Variants in PITPNC1 observed in about 807,000 individuals in gnomAD.
The protein encoded by PITPNC1 is phosphatidylinositol transfer protein cytoplasmic 1.
PITPNC1 carries 18 observed loss-of-function variants against 44.7 expected under a neutral mutation model. The ratio of observed to expected loss-of-function variants is 0.40; its 90% CI spans 0.28 to 0.60. The LOEUF (loss-of-function observed/expected upper bound fraction) is 0.60. Among genes scored for constraint, PITPNC1 ranks in the 20% least tolerant of loss-of-function variants. The pLI, the probability that PITPNC1 is intolerant of heterozygous loss-of-function variation, is 0.39. For synonymous variants in PITPNC1, 141 were observed against 149.6 expected (o/e 0.94, Z 0.42); for missense variants, 290 against 418.4 (o/e 0.69, Z 2.68).
chr17:67,567,701 G>A (rs940849029), intron 4 of PITPNC1, among the ~76,000 whole-genome samples: 4 of 152,102 alleles, frequency 2.6e-5, no homozygotes, highest in South Asian at 2.1e-4. Flanking sequence ...ATGGCCGGGC[G>A]CAGTGGCTCA....
chr17:67,494,176 T>TTTCC (rs2039900798), intron 1 of PITPNC1, among the ~76,000 whole-genome samples: 1 of 62,626 alleles, frequency 1.6e-5, no homozygotes, highest in South Asian at 6.7e-4. Flanking sequence ...TCTTTCTTTC[T>TTTCC]TTCTTTCTTT....
chr17:67,519,930 A>G (rs866565345), intron 1 of PITPNC1, among the ~76,000 whole-genome samples: 4 of 152,246 alleles, frequency 2.6e-5, no homozygotes, highest in Non-Finnish European at 5.9e-5. Flanking sequence ...TTGTCTAGGC[A>G]TGAAGTGCCT....
intron 8 of PITPNC1, chr17:67,687,036 G>A (rs374209002): frequency 1.7e-5 from 21 of 1,259,382 alleles, no homozygotes; most frequent in African/African-American, 2.9e-5. Flanking sequence ...ATCTAATAAC[G>A]GAAGTTGCCA....
chr17:67,614,158 A>G (rs1408414824), intron 5 of PITPNC1, among the ~76,000 whole-genome samples: 5 of 151,866 alleles, frequency 3.3e-5, no homozygotes, highest in Admixed American at 1.3e-4. Flanking sequence ...CCTTGGTGAT[A>G]CTAACATCTG....
At chr17:67,516,128 C>G (rs1217250918) in intron 1 of PITPNC1, among the ~76,000 whole-genome samples, 1 of 152,184 alleles carries the variant, frequency 6.6e-6, no homozygotes, top group Non-Finnish European at 1.5e-5. Flanking sequence ...TGGCTCTGCT[C>G]TCTCATCTCT....
Position 67,453,680 on chromosome 17 carries a change from A to G in PITPNC1, c.48+75478A>G, listed in dbSNP as rs1031154009. ...ACAAAACAAATTTCCATGAATTTTTATCGATGAAACTCCAAACATAGTAAT... is the reference window on the plus strand; with the variant it reads ...ACAAAACAAATTTCCATGAATTTTTGTCGATGAAACTCCAAACATAGTAAT... On this transcript the variant is annotated intron_variant, in intron 1 of 8. Coordinates refer to ENST00000581322, the MANE Select transcript of PITPNC1 (RefSeq NM_012417.4). Among the ~76,000 whole-genome samples, 4 of 152,220 alleles carry G rather than the reference A, an allele frequency of 2.6e-5. No homozygotes were observed. In the South Asian group the frequency reaches 6.2e-4, roughly 24 times the overall value.
chr17:67,596,548 T>C (rs1332403265), intron 5 of PITPNC1, among the ~76,000 whole-genome samples: 1 of 152,176 alleles, frequency 6.6e-6, no homozygotes, highest in Non-Finnish European at 1.5e-5. Flanking sequence ...TCTCGCTCTG[T>C]CGTCCAGGCT....
Position 67,565,468 on chromosome 17 carries a change from G to C in PITPNC1, c.294+11851G>C, listed in dbSNP as rs200194022. On this transcript the variant is annotated intron_variant, in intron 4 of 8. Transcript: ENST00000581322. ...ACTCATTTTCCATGGTTTTTGGTGT[G>C]TATATTAGTTTTCCATGTTTTTCGG... 5.5e-5 allele frequency among the ~76,000 whole-genome samples: 8 copies of C among 146,696 alleles called. No homozygotes were observed. In the East Asian group the frequency reaches 1.6e-3, roughly 30 times the overall value.
At chr17:67,463,498 G>A (rs1448769348) in intron 1 of PITPNC1, among the ~76,000 whole-genome samples, 2 of 152,152 alleles carry the variant, frequency 1.3e-5, no homozygotes, top group Non-Finnish European at 2.9e-5. Context: ...TTGGAAGTCT[G>A]AGGTAGCAAA....
intron 1 of PITPNC1, among the ~76,000 whole-genome samples, chr17:67,424,264 A>G (rs1259170081): frequency 6.6e-6 from 1 of 152,060 alleles, no homozygotes; most frequent in East Asian, 1.9e-4. Flanking sequence ...TCCAGCAAGA[A>G]GAGGAAGAAT....
intron 6 of PITPNC1, among the ~76,000 whole-genome samples, chr17:67,652,485 G>C (rs949847317): frequency 6.6e-6 from 1 of 152,208 alleles, no homozygotes; most frequent in African/African-American, 2.4e-5. Flanking sequence ...CCTGGCACCA[G>C]CTCAACCCCC....
At chr17:67,445,252 T>C (rs532973561) in intron 1 of PITPNC1, among the ~76,000 whole-genome samples, 1 of 152,120 alleles carries the variant, frequency 6.6e-6, no homozygotes, top group Admixed American at 6.6e-5. Flanking sequence ...GATTGTTTTC[T>C]TTTTTGCCAG....
chr17:67,692,542 T>G (rs1346844358), intron 8 of PITPNC1, 30 bp from the exon 9 acceptor site: 10 of 1,525,466 alleles, frequency 6.6e-6, no homozygotes, highest in Non-Finnish European at 9.1e-6. Context: ...AAATAACTGC[T>G]CGTTTTTCTT....
At chr17:67,416,829 T>G (rs1019951336) in intron 1 of PITPNC1, among the ~76,000 whole-genome samples, 1 of 152,188 alleles carries the variant, frequency 6.6e-6, no homozygotes, top group African/African-American at 2.4e-5. Flanking sequence ...TTTCTTTTTT[T>G]GAGATGGAGT....
In PITPNC1 at chr17:67,425,699, AT is replaced by A. The variant is rs34430449; in HGVS notation, c.48+47507del. On this transcript the variant is annotated intron_variant, in intron 1 of 8. Coordinates refer to ENST00000581322, the MANE Select transcript of PITPNC1 (RefSeq NM_012417.4). ...ACCACGCTTGGCTAATTAAAAAAAA[AT>A]TTTTTTTTTAAAGAGATGGGGTCTC... Among the ~76,000 whole-genome samples, 740 of 149,798 alleles carry A rather than the reference AT, an allele frequency of 4.9e-3. 4 individuals are homozygous for A. The highest frequency in any genetic ancestry group is 8.1e-3 in the Non-Finnish European group (546 of 67,482).
intron 8 of PITPNC1, among the ~76,000 whole-genome samples, chr17:67,683,261 T>C (rs2042747316): frequency 6.6e-6 from 1 of 151,620 alleles, no homozygotes; most frequent in South Asian, 2.1e-4. Context: ...GTCACTCTGA[T>C]CATTGAAAAT....
At chr17:67,406,690 G>A (rs549166340) in intron 1 of PITPNC1, among the ~76,000 whole-genome samples, 3 of 151,138 alleles carry the variant, frequency 2.0e-5, no homozygotes, top group East Asian at 2.0e-4. Flanking sequence ...AGGTTCAAGC[G>A]ATCCTCCTGC....
Position 67,587,220 on chromosome 17 carries a change from C to T in PITPNC1, c.366+8963C>T, listed in dbSNP as rs571368942. On this transcript the variant is annotated intron_variant, in intron 5 of 8. Coordinates refer to ENST00000581322, the MANE Select transcript of PITPNC1 (RefSeq NM_012417.4). The stretch of plus-strand genomic sequence containing the variant: ...GTTGGATATTGGCCAGGTGTTGTGG[C>T]TCTCACCTGTAATCCCAGTGCTCTG... Among the ~76,000 whole-genome samples, 8 of 152,098 alleles carry T rather than the reference C, an allele frequency of 5.3e-5. 1 individual carries two copies. In the South Asian group the frequency reaches 1.7e-3, roughly 32 times the overall value.
intron 1 of PITPNC1, among the ~76,000 whole-genome samples, chr17:67,485,564 C>T (rs2039767378): frequency 4.0e-5 from 6 of 151,798 alleles, no homozygotes; most frequent in Admixed American, 3.9e-4. Flanking sequence ...GGGGTCTCAC[C>T]ATGTTGGCCA....
Sources: gnomAD v4.1 joint callset for allele counts (sites outside exome capture counted in the v4.1 genomes callset) on GRCh38, gnomAD v4.1.1 for gene constraint, MANE v1.5 for transcripts, NCBI Gene and HGNC (gene_info 2026-07-23, HGNC 2026-07-21) for gene names.